SLC35D2: variants seen among roughly 807,000 people sequenced by gnomAD.
The protein encoded by SLC35D2 is solute carrier family 35 member D2.
In SLC35D2, 43 loss-of-function variants were observed where a neutral mutation model predicts 41.8. That is an observed-to-expected ratio of 1.03 (90% CI 0.81 to 1.33). The LOEUF is 1.33. Among genes scored for constraint, SLC35D2 ranks in the 40% most tolerant of loss-of-function variants. The pLI, the probability that SLC35D2 is intolerant of heterozygous loss-of-function variation, is 0.00. For synonymous variants in SLC35D2, 150 were observed against 163.9 expected (o/e 0.92, Z 0.65); for missense variants, 380 against 408.4 (o/e 0.93, Z 0.60).
At chr9:96,322,494 G>A (rs967217960) in intron 10 of SLC35D2, among the ~76,000 whole-genome samples, 4 of 152,098 alleles carry the variant, frequency 2.6e-5, no homozygotes, top group African/African-American at 9.7e-5. Context: ...ACTCCAGCCT[G>A]GGCAACAGAG....
intron 8 of SLC35D2, among the ~76,000 whole-genome samples, chr9:96,342,841 C>T (rs751278631): frequency 2.6e-5 from 4 of 152,172 alleles, no homozygotes; most frequent in Non-Finnish European, 5.9e-5. Context: ...CAGAGTCACT[C>T]AGACCCTAAA....
At chr9:96,380,280 G>C (rs1831141222) in intron 1 of SLC35D2, among the ~76,000 whole-genome samples, 1 of 151,970 alleles carries the variant, frequency 6.6e-6, no homozygotes, top group Non-Finnish European at 1.5e-5. Context: ...ACTGACCATG[G>C]TTTGCTGGTG....
chr9:96,350,946 A>G, intron 6 of SLC35D2, 157 bp downstream of exon 6: 1 of 558,210 alleles, frequency 1.8e-6, no homozygotes, highest in Non-Finnish European at 3.2e-6. Context: ...TTTGACTTTC[A>G]TAGGAACACA....
intron 9 of SLC35D2, among the ~76,000 whole-genome samples, chr9:96,333,043 C>T (rs998960731): frequency 1.3e-5 from 2 of 150,510 alleles, no homozygotes; most frequent in African/African-American, 4.9e-5. Context: ...GGATTACAGG[C>T]ACATGCCACC....
At chr9:96,367,557 C>G (rs892927845) in intron 2 of SLC35D2, among the ~76,000 whole-genome samples, 1 of 152,150 alleles carries the variant, frequency 6.6e-6, no homozygotes, top group Admixed American at 6.5e-5. Flanking sequence ...AAGGTGGGTG[C>G]GGATCGCCTG....
At chr9:96,324,549 C>CTTGTTTTTTTTTTTTTTTTTTTTTTTT (rs1828420553) in intron 9 of SLC35D2, among the ~76,000 whole-genome samples, 1 of 117,780 alleles carries the variant, frequency 8.5e-6, no homozygotes, top group Non-Finnish European at 1.8e-5. Context: ...GCCTGCTGCA[C>CTTGTTTTTTTTTTTTTTTTTTTTTTTT]TTTTTTTTTT....
At chr9:96,375,903 G>A (rs548995727) in intron 1 of SLC35D2, among the ~76,000 whole-genome samples, 1 of 152,188 alleles carries the variant, frequency 6.6e-6, no homozygotes, top group East Asian at 1.9e-4. Context: ...GCTTACTCCT[G>A]TAATCCCAGC....
intron 8 of SLC35D2, among the ~76,000 whole-genome samples, chr9:96,337,380 AT>A (rs888505742): frequency 6.1e-4 from 88 of 144,928 alleles, no homozygotes; most frequent in East Asian, 2.0e-3. Context: ...TGCCTGGCTA[AT>A]TTTTTTTTTT....
chr9:96,352,173 A>G (rs1829839490), intron 4 of SLC35D2, 64 bp from the exon 5 acceptor site: 3 of 1,065,912 alleles, frequency 2.8e-6, no homozygotes, highest in Admixed American at 4.3e-5. Context: ...TATCTTTTAC[A>G]TGTTTTACAT....
At chr9:96,379,893 A>G (rs1424359642) in intron 1 of SLC35D2, among the ~76,000 whole-genome samples, 3 of 149,186 alleles carry the variant, frequency 2.0e-5, no homozygotes, top group African/African-American at 7.4e-5. Context: ...TAGAAAGGCT[A>G]GAGCCTTTTT....
intron 1 of SLC35D2, among the ~76,000 whole-genome samples, chr9:96,380,468 T>G (rs1388218133): frequency 6.6e-6 from 1 of 151,798 alleles, no homozygotes; most frequent in Admixed American, 6.6e-5. Context: ...TTTTTCTTTT[T>G]TTTTTTTGAG....
rs139188869 is a variant in SLC35D2 at position 96,323,311 on chromosome 9, T to C, written c.831+780A>G. 3.9e-5 allele frequency among the ~76,000 whole-genome samples: 6 copies of C among 152,206 alleles called. No individual in the cohort carries two copies. In the East Asian group the frequency reaches 1.2e-3, roughly 29 times the overall value. ...TCCAGAACACCTCTCCCCCTATTCA[T>C]TCATGTGCATGTGTGTGTATTCAGA... is the stretch of plus-strand genomic sequence containing the variant. On this transcript the variant is annotated intron_variant, in intron 10 of 11. Coordinates refer to ENST00000253270, the MANE Select transcript of SLC35D2 (RefSeq NM_007001.3).
chr9:96,330,721 G>C lies in SLC35D2; in HGVS notation c.752+5996C>G, dbSNP rs1159531005. On this transcript the variant is annotated intron_variant, in intron 9 of 11. Transcript: ENST00000253270. Reference sequence around the variant, plus strand: ...CAAACTCACAATGCCAAAGGGAGAAGTTAAGTCTGGAAACTGAGTCACACA... The same window carrying C: ...CAAACTCACAATGCCAAAGGGAGAACTTAAGTCTGGAAACTGAGTCACACA... 3.3e-5 allele frequency among the ~76,000 whole-genome samples: 5 copies of C among 152,122 alleles called. 1 individual carries two copies. The highest frequency in any genetic ancestry group is 1.2e-4 in the African/African-American group (5 of 41,430).
intron 6 of SLC35D2, 138 bp downstream of exon 6, chr9:96,350,965 C>G: frequency 1.6e-6 from 1 of 641,054 alleles, no homozygotes; most frequent in East Asian, 2.7e-5. Flanking sequence ...CATGGGGATT[C>G]CACTAACTTC....
intron 2 of SLC35D2, among the ~76,000 whole-genome samples, chr9:96,364,994 G>A (rs1035100183): frequency 6.9e-6 from 1 of 144,510 alleles, no homozygotes; most frequent in African/African-American, 2.6e-5. Flanking sequence ...AGGTTGCAGT[G>A]AGCCAAGATC....
chr9:96,333,559 C>T lies in SLC35D2; in HGVS notation c.752+3158G>A, dbSNP rs544021211. Among the ~76,000 whole-genome samples, 37 of 147,382 alleles carry T rather than the reference C, an allele frequency of 2.5e-4. 1 individual carries two copies. In the South Asian group the frequency reaches 7.9e-3, roughly 31 times the overall value. On this transcript the variant is annotated intron_variant, in intron 9 of 11. Transcript: ENST00000253270. The stretch of plus-strand genomic sequence containing the variant: ...GCAGTGAGCCAAGATCGCGCCACCG[C>T]ACTCCAGCCTGGGCGACAGAGGGAG...
At chr9:96,323,912 C>T (rs551787175) in intron 10 of SLC35D2, among the ~76,000 whole-genome samples, 179 bp downstream of exon 10, 6 of 150,644 alleles carry the variant, frequency 4.0e-5, no homozygotes, top group Admixed American at 1.3e-4. Flanking sequence ...GACAACAGAA[C>T]GAGACTCTGT....
chr9:96,372,731 C>T (rs1443913093), intron 1 of SLC35D2, among the ~76,000 whole-genome samples: 8 of 150,726 alleles, frequency 5.3e-5, no homozygotes, highest in South Asian at 2.1e-4. Flanking sequence ...ATTACAGGCG[C>T]GCACCACCAC....
intron 9 of SLC35D2, 97 bp from the exon 10 acceptor site, chr9:96,324,266 AGCG>A: frequency 1.1e-6 from 1 of 923,498 alleles, no homozygotes; most frequent in Admixed American, 2.3e-5. Context: ...AAGCACTTTA[AGCG>A]AAGAAAAAAG....
Sources: allele counts gnomAD v4.1 joint callset (sites outside exome capture counted in the v4.1 genomes callset), GRCh38; gene constraint gnomAD v4.1.1; transcripts MANE v1.5; gene names NCBI Gene and HGNC (gene_info 2026-07-23, HGNC 2026-07-21).